Variants in SMIM35 observed in about 807,000 individuals in gnomAD.
The protein encoded by SMIM35 is TMPRSS4 antisense RNA 1 (non-protein coding).
At chr11:118,044,528 C>T (rs781668086) in intron 1 of SMIM35, among the ~76,000 whole-genome samples, 19 of 152,038 alleles carry the variant, frequency 1.2e-4, no homozygotes, top group Admixed American at 1.0e-3. Context: ...AGGATGGGTG[C>T]GGTGATTCAT....
rs923482599 is a variant in SMIM35 at position 118,006,053 on chromosome 11, C to G, written c.*357G>C. 6.6e-6 allele frequency: 1 copy of G among 152,390 alleles called. No homozygotes were observed. The highest frequency in any genetic ancestry group is 1.5e-5 in the Non-Finnish European group (1 of 68,170). The allele number at this position is 152,390 out of a possible 1,614,324, so 9.4% of individuals were successfully genotyped here. On this transcript the variant is annotated 3_prime_UTR_variant, in exon 5 of 5. Coordinates refer to ENST00000689828, the MANE Select transcript of SMIM35 (RefSeq NM_001394165.1). ...TTCTGGGAGGCCTCCTTGGGGAAGA[C>G]AAGACAAAGGTTCTGAAAACTTACT... is the stretch of plus-strand genomic sequence containing the variant.
At chr11:118,044,984 C>T (rs1283363020) in intron 1 of SMIM35, among the ~76,000 whole-genome samples, 1 of 152,046 alleles carries the variant, frequency 6.6e-6, no homozygotes, top group African/African-American at 2.4e-5. Flanking sequence ...AGCAACACAT[C>T]AAACAAAATC....
chr11:118,056,333 G>T lies in SMIM35; in HGVS notation c.7+30418C>A, dbSNP rs145761039. Among the ~76,000 whole-genome samples the T allele has an allele frequency of 8.1e-3, 1,229 of 152,298 alleles. 7 individuals carry two copies. Among genetic ancestry groups the T allele is most frequent in the Middle Eastern group, 0.044 (13 of 294 alleles). ...GGAGAGGTGGATAGGACATCAGGAA[G>T]GGAGGGTCAGCAGAACTGGGGATCA... On this transcript the variant is annotated intron_variant, in intron 1 of 4. Transcript: ENST00000689828.
intron 1 of SMIM35, among the ~76,000 whole-genome samples, chr11:118,063,590 A>C (rs1037039053): frequency 2.0e-5 from 3 of 152,184 alleles, no homozygotes; most frequent in African/African-American, 7.2e-5. Flanking sequence ...AGGTGGCTTC[A>C]GGTAGATCAG....
chr11:118,038,542 C>T (rs1213359722), intron 1 of SMIM35, among the ~76,000 whole-genome samples: 2 of 152,158 alleles, frequency 1.3e-5, no homozygotes, highest in African/African-American at 4.8e-5. Context: ...TCAGCTACTG[C>T]AAATGAGTCC....
chr11:118,044,315 GAA>G (rs34422344), intron 1 of SMIM35, among the ~76,000 whole-genome samples: 16,238 of 134,382 alleles, frequency 0.12, 1,347 homozygotes, highest in East Asian at 0.48. Context: ...TGGCAGAATT[GAA>G]AAAAAAAAAA....
intron 1 of SMIM35, among the ~76,000 whole-genome samples, chr11:118,072,347 G>T (rs1391141793): frequency 2.0e-5 from 3 of 152,198 alleles, no homozygotes; most frequent in Non-Finnish European, 4.4e-5. Flanking sequence ...AGTTAGCTGG[G>T]TGTGATGGCA....
chr11:118,046,264 T>A (rs1326613584), intron 1 of SMIM35, among the ~76,000 whole-genome samples: 1 of 152,166 alleles, frequency 6.6e-6, no homozygotes, highest in Non-Finnish European at 1.5e-5. Flanking sequence ...CAGATCACAA[T>A]TTCCTATGAC....
intron 1 of SMIM35, among the ~76,000 whole-genome samples, chr11:118,018,719 A>T (rs1304763269): frequency 5.3e-5 from 8 of 152,186 alleles, no homozygotes; most frequent in African/African-American, 4.8e-5. Flanking sequence ...AGGGAAGGAG[A>T]TGTTATGTCT....
At chr11:118,039,711 AAAT>A (rs72293243) in intron 1 of SMIM35, among the ~76,000 whole-genome samples, 5,947 of 151,012 alleles carry the variant, frequency 0.039, 197 homozygotes, top group East Asian at 0.19. Flanking sequence ...CCCTGTCTCA[AAAT>A]AATAATAATA....
chr11:118,043,238 G>A (rs1180076474), intron 1 of SMIM35, among the ~76,000 whole-genome samples: 1 of 151,452 alleles, frequency 6.6e-6, no homozygotes, highest in Non-Finnish European at 1.5e-5. Flanking sequence ...TCTTACATAT[G>A]GAAAATCCTC....
At chr11:118,012,375 C>T (rs2058154983) in intron 4 of SMIM35, among the ~76,000 whole-genome samples, 2 of 152,170 alleles carry the variant, frequency 1.3e-5, no homozygotes, top group South Asian at 4.1e-4. Context: ...GGGGAACTGC[C>T]CTGCTGTCTA....
chr11:118,009,699 G>A (rs1364643189), intron 4 of SMIM35, among the ~76,000 whole-genome samples: 4 of 149,042 alleles, frequency 2.7e-5, no homozygotes, highest in Admixed American at 6.7e-5. Flanking sequence ...CAGGCTATAC[G>A]CTAAGAACTG....
At chr11:118,085,156 T>C (rs1467681888) in intron 1 of SMIM35, among the ~76,000 whole-genome samples, 1 of 151,998 alleles carries the variant, frequency 6.6e-6, no homozygotes, top group East Asian at 1.9e-4. Flanking sequence ...AGAAGGAAAC[T>C]GGGTCCAGGA....
At chr11:118,020,933 G>C (rs759868400) in intron 1 of SMIM35, among the ~76,000 whole-genome samples, 1 of 151,966 alleles carries the variant, frequency 6.6e-6, no homozygotes, top group Non-Finnish European at 1.5e-5. Context: ...GACTTGATAC[G>C]TAATATTTTT....
At chr11:118,068,274 C>T (rs1251919732) in intron 1 of SMIM35, among the ~76,000 whole-genome samples, 4 of 152,034 alleles carry the variant, frequency 2.6e-5, no homozygotes, top group African/African-American at 7.2e-5. Context: ...GGTTTTCCAC[C>T]TGACAAAGTC....
At chr11:118,052,410 C>G (rs1217038343) in intron 1 of SMIM35, among the ~76,000 whole-genome samples, 1 of 152,150 alleles carries the variant, frequency 6.6e-6, no homozygotes, top group Non-Finnish European at 1.5e-5. Context: ...GAAGATGTGT[C>G]TCCCACGCAG....
chr11:118,006,100 C>T lies in SMIM35; in HGVS notation c.*310G>A, dbSNP rs2058120394. 1 of 152,318 alleles carries T rather than the reference C, an allele frequency of 6.6e-6. No homozygotes were observed. Among genetic ancestry groups the T allele is most frequent in the African/African-American group, 2.4e-5 (1 of 41,460 alleles). The allele number at this position is 152,318 out of a possible 1,614,324, so 9.4% of individuals were successfully genotyped here. A position where few individuals can be genotyped will look rare whatever the true frequency, so the allele number is the denominator to read the frequency against. On this transcript the variant is annotated 3_prime_UTR_variant, in exon 5 of 5. Coordinates refer to ENST00000689828, the MANE Select transcript of SMIM35 (RefSeq NM_001394165.1). ...TACTGGCCAGCACCACCTTCTCTCCCATCCTTCACAATCAACTTTTTGAAA... is the reference window on the plus strand; with the variant it reads ...TACTGGCCAGCACCACCTTCTCTCCTATCCTTCACAATCAACTTTTTGAAA...
chr11:118,030,756 C>T (rs1240973738), intron 1 of SMIM35, among the ~76,000 whole-genome samples: 1 of 151,682 alleles, frequency 6.6e-6, no homozygotes, highest in African/African-American at 2.4e-5. Flanking sequence ...GCATCAGAGC[C>T]AAAGCAGGAT....
Sources: allele counts gnomAD v4.1 joint callset (sites outside exome capture counted in the v4.1 genomes callset), GRCh38; gene constraint gnomAD v4.1.1; transcripts MANE v1.5; gene names NCBI Gene and HGNC (gene_info 2026-07-23, HGNC 2026-07-21).